TEX26: variants seen among roughly 807,000 people sequenced by gnomAD.
The protein encoded by TEX26 is testis expressed 26.
In TEX26, 34 loss-of-function variants were observed where a neutral mutation model predicts 35.3. That is an observed-to-expected ratio of 0.96 (90% confidence interval 0.73 to 1.28). The LOEUF (loss-of-function observed/expected upper bound fraction) is 1.28. TEX26 is among the 50% of genes most tolerant of loss of function. The pLI is 0.00. For missense variants in TEX26, 371 were observed against 330.1 expected, an observed-to-expected ratio of 1.12 and a Z score of -0.96; for synonymous variants, 136 against 111.8, an observed-to-expected ratio of 1.22 and a Z score of -1.36.
chr13:30,940,835 G>A (rs963397994), intron 2 of TEX26, among the ~76,000 whole-genome samples: 6 of 152,008 alleles, frequency 3.9e-5, no homozygotes, highest in Non-Finnish European at 7.4e-5. Context: ...CTACTCGGGA[G>A]GCAGAGGCAC....
chr13:30,944,024 G>A (rs1011592298), intron 2 of TEX26, among the ~76,000 whole-genome samples: 3 of 152,040 alleles, frequency 2.0e-5, no homozygotes, highest in African/African-American at 7.2e-5. Context: ...AGTTTCAGTA[G>A]GATTGGCACC....
At chr13:30,934,852 G>T (rs1387474032) in intron 1 of TEX26, among the ~76,000 whole-genome samples, 1 of 152,220 alleles carries the variant, frequency 6.6e-6, no homozygotes, top group South Asian at 2.1e-4. Flanking sequence ...TGCGGCTGTG[G>T]GTCTGAGCCT....
intron 2 of TEX26, among the ~76,000 whole-genome samples, chr13:30,940,084 G>T (rs1953422308): frequency 6.6e-6 from 1 of 152,058 alleles, no homozygotes; most frequent in African/African-American, 2.4e-5. Context: ...AAACATTCAC[G>T]TGACTTGAAT....
intron 5 of TEX26, among the ~76,000 whole-genome samples, chr13:30,967,215 G>C (rs1214117742): frequency 6.6e-6 from 1 of 152,164 alleles, no homozygotes; most frequent in Non-Finnish European, 1.5e-5. Flanking sequence ...GTTCATTCCT[G>C]GCATGGGGTT....
At chr13:30,960,725 C>T (rs1189000120) in intron 4 of TEX26, among the ~76,000 whole-genome samples, 1 of 152,170 alleles carries the variant, frequency 6.6e-6, no homozygotes, top group African/African-American at 2.4e-5. Flanking sequence ...AATTAACTTT[C>T]AGCATTTTCA....
intron 4 of TEX26, among the ~76,000 whole-genome samples, chr13:30,964,075 G>A (rs776546023): frequency 7.2e-5 from 11 of 152,078 alleles, no homozygotes; most frequent in Admixed American, 2.6e-4. Context: ...GTACTGACCC[G>A]TTGTCAAAGC....
chr13:30,941,168 C>G (rs987976413), intron 2 of TEX26, among the ~76,000 whole-genome samples: 7 of 152,032 alleles, frequency 4.6e-5, no homozygotes, highest in Admixed American at 1.3e-4. Context: ...TCTGAGGACA[C>G]AAAGCACTAG....
chr13:30,955,606 T>G (rs1954098047), intron 3 of TEX26, among the ~76,000 whole-genome samples: 1 of 152,228 alleles, frequency 6.6e-6, no homozygotes, highest in Admixed American at 6.5e-5. Context: ...AGGAATAGCT[T>G]AGTAACTAGA....
intron 5 of TEX26, among the ~76,000 whole-genome samples, chr13:30,968,356 G>A (rs531532887): frequency 2.6e-5 from 4 of 152,232 alleles, no homozygotes; most frequent in South Asian, 2.1e-4. Flanking sequence ...TATGAAGTCC[G>A]ATCGTAGTTA....
intron 6 of TEX26, among the ~76,000 whole-genome samples, chr13:30,970,003 T>A (rs1954661959): frequency 6.6e-6 from 1 of 152,118 alleles, no homozygotes; most frequent in Admixed American, 6.6e-5. Context: ...AAGGGCTCTC[T>A]GTCTCTTGTC....
chr13:30,971,337 A>C (rs1333092617), intron 6 of TEX26, among the ~76,000 whole-genome samples: 1 of 152,156 alleles, frequency 6.6e-6, no homozygotes, highest in African/African-American at 2.4e-5. Context: ...ATTATTATCA[A>C]CTCAGCTTAA....
In TEX26 at chr13:30,943,278, T is replaced by C. The variant is rs1953581292; in HGVS notation, c.146+3500T>C. ...AGCTGTTGTACAACGGATTGAGTTA[T>C]TGATTTGATTCTCAGCTTGGTCATT... On this transcript the variant is annotated intron_variant, in intron 2 of 6. Transcript: ENST00000380473. Among the ~76,000 whole-genome samples, 4 of 152,132 alleles carry C rather than the reference T, an allele frequency of 2.6e-5. No individual in the cohort carries two copies. The South Asian group carries it at 8.3e-4, about 31-fold the overall frequency.
At chr13:30,971,818 C>T (rs967414844) in intron 6 of TEX26, among the ~76,000 whole-genome samples, 1 of 152,234 alleles carries the variant, frequency 6.6e-6, no homozygotes, top group African/African-American at 2.4e-5. Context: ...CATCAGTCCA[C>T]TTTTCCCCTA....
chr13:30,946,335 T>C (rs76835951), intron 2 of TEX26, among the ~76,000 whole-genome samples: 1 of 151,862 alleles, frequency 6.6e-6, no homozygotes, highest in Non-Finnish European at 1.5e-5. Context: ...GAAAACTTTT[T>C]ATTCATATCC....
At chr13:30,963,900 C>A (rs1954437032) in intron 4 of TEX26, among the ~76,000 whole-genome samples, 1 of 152,184 alleles carries the variant, frequency 6.6e-6, no homozygotes, top group Non-Finnish European at 1.5e-5. Context: ...CACCTCTATG[C>A]CGGTCCATCA....
rs1182344247 is a variant in TEX26, at chr13:30,969,015, CAA to C, written c.779_780del (p.Lys260ArgfsTer11). The C allele has an allele frequency of 6.2e-7, 1 of 1,613,968 alleles. No homozygotes were observed. Among genetic ancestry groups the C allele is most frequent in the Non-Finnish European group, 8.5e-7 (1 of 1,179,916 alleles). On this transcript the variant is annotated frameshift_variant, in exon 6 of 7. Transcript: ENST00000380473. LOFTEE classifies it low-confidence loss of function (END_TRUNC). Reference sequence around the variant, plus strand: ...TAAACTCATTTACTTCCTCTCAAGTCAAAGAGTACCTTCAGAGTCTTTCCTAC... The same window carrying C: ...TAAACTCATTTACTTCCTCTCAAGTCAGAGTACCTTCAGAGTCTTTCCTAC... Reference protein sequence around the residue: ...LLNSFTSSQVKEYLQSLSYKD... With the variant: ...LLNSFTSSQVXEYLQSLSYKD...
At chr13:30,932,855 G>T in intron 1 of TEX26, 79 bp downstream of exon 1, 1 of 1,499,948 alleles carries the variant, frequency 6.7e-7, no homozygotes, top group Non-Finnish European at 9.1e-7. Flanking sequence ...AGAAAAAGGG[G>T]CCTTAGTATT....
intron 6 of TEX26, 97 bp downstream of exon 6, chr13:30,969,143 C>A: frequency 9.1e-7 from 1 of 1,103,318 alleles, no homozygotes; most frequent in Non-Finnish European, 1.2e-6. Context: ...AGTTGAATGC[C>A]CACAAAAATG....
rs758338105 is a variant in TEX26, at chr13:30,966,225, A to G, written c.473A>G (p.Gln158Arg). The G allele has an allele frequency of 2.6e-5, 42 of 1,613,868 alleles. No individual in the cohort carries two copies. The East Asian group carries it at 8.7e-4, about 33-fold the overall frequency. Reference sequence around the variant, plus strand: ...TTCCATTTCCATTCCACCCCAGCTCAGAAGATTAAGAAAAGTTCTCACTTG... The same window carrying G: ...TTCCATTTCCATTCCACCCCAGCTCGGAAGATTAAGAAAAGTTCTCACTTG... Reference protein sequence around the residue: ...KRDFVDRSKAQKIKKSSHLSL... With the variant: ...KRDFVDRSKARKIKKSSHLSL... Residue 158 changes from glutamine (Q) to arginine (R), a missense_variant, in exon 5 of 7, where the codon CAG becomes CGG. Gln to Arg is a conservative substitution (Grantham distance 43). Coordinates refer to ENST00000380473, the MANE Select transcript of TEX26 (RefSeq NM_152325.3).
Sources: allele counts gnomAD v4.1 joint callset (sites outside exome capture counted in the v4.1 genomes callset), GRCh38; gene constraint gnomAD v4.1.1; transcripts MANE v1.5; gene names NCBI Gene and HGNC (gene_info 2026-07-23, HGNC 2026-07-21).